CRTAP: variants seen among roughly 807,000 people sequenced by gnomAD.
CRTAP encodes the protein cartilage associated protein.
CRTAP carries 33 observed loss-of-function variants against 42.7 expected under a neutral mutation model. The observed-to-expected ratio is 0.77, with a 90% confidence interval of 0.59 to 1.03. The LOEUF (loss-of-function observed/expected upper bound fraction) is 1.03. Ranked by LOEUF, CRTAP falls within the 50% of genes least tolerant of loss-of-function variation. CRTAP has a pLI of 0.00. For missense variants in CRTAP, 613 were observed against 533.9 expected (o/e 1.15, Z -1.46); for synonymous variants, 243 against 217.7 (o/e 1.12, Z -1.02).
At chr3:33,117,506 A>G (rs1332648332) in intron 1 of CRTAP, among the ~76,000 whole-genome samples, 1 of 152,208 alleles carries the variant, frequency 6.6e-6, no homozygotes, top group African/African-American at 2.4e-5. Context: ...ACCATCTTCC[A>G]CGAAAAACTC....
rs4076086 is a variant in CRTAP, at chr3:33,120,406, C to T, written c.534C>T (p.Asp178=). The change falls in exon 2 of 7, where the codon GAC becomes GAT. Residue 178 remains aspartate (D), a synonymous_variant. Transcript: ENST00000320954. ...CCTTTCTACTGAAGCATCCTGATGA[C>T]GAAATGATGAAGAGGAACATGGCAT... ...AHTFLLKHPD[D]EMMKRNMAYY... The T allele has an allele frequency of 0.13, 202,629 of 1,613,334 alleles. 20,994 individuals are homozygous for T. Among genetic ancestry groups the T allele is most frequent in the East Asian group, 0.6 (27,058 of 44,862 alleles).
intron 6 of CRTAP, among the ~76,000 whole-genome samples, chr3:33,136,640 G>A (rs2030425672): frequency 6.6e-6 from 1 of 152,152 alleles, no homozygotes; most frequent in South Asian, 2.1e-4. Flanking sequence ...GCATCTGCTT[G>A]GCTTCTGGTG....
intron 2 of CRTAP, among the ~76,000 whole-genome samples, chr3:33,121,381 C>T (rs963333951): frequency 4.0e-5 from 6 of 149,234 alleles, no homozygotes; most frequent in African/African-American, 1.5e-4. Flanking sequence ...CACTGCACTC[C>T]AGCCTGGGCG....
chr3:33,115,854 T>C (rs1367082119), intron 1 of CRTAP, among the ~76,000 whole-genome samples: 1 of 152,134 alleles, frequency 6.6e-6, no homozygotes, highest in Non-Finnish European at 1.5e-5. Context: ...GCTGGGTTAC[T>C]TCTATACTTC....
At chr3:33,140,230 T>C (rs893018778) in intron 6 of CRTAP, among the ~76,000 whole-genome samples, 3 of 152,228 alleles carry the variant, frequency 2.0e-5, no homozygotes, top group African/African-American at 7.2e-5. Flanking sequence ...TTGCTCATAG[T>C]CACACAGAGG....
chr3:33,124,728 C>A (rs1415710815), intron 3 of CRTAP, 149 bp downstream of exon 3: 1 of 875,772 alleles, frequency 1.1e-6, no homozygotes, highest in Non-Finnish European at 1.9e-6. Flanking sequence ...GTAGTCACCA[C>A]CTGCATAGAT....
chr3:33,131,338 A>G (rs905252869), intron 4 of CRTAP, among the ~76,000 whole-genome samples: 1 of 152,102 alleles, frequency 6.6e-6, no homozygotes. Flanking sequence ...GAAGGTCAGA[A>G]AAAGAAAAAG....
chr3:33,132,815 C>G, intron 5 of CRTAP, 115 bp downstream of exon 5: 1 of 1,272,028 alleles, frequency 7.9e-7, no homozygotes, highest in Non-Finnish European at 1.1e-6. Context: ...CGCGGTGACT[C>G]ATGCCTGTAA....
At chr3:33,141,448 C>G (rs989403744) in intron 6 of CRTAP, among the ~76,000 whole-genome samples, 9 of 152,178 alleles carry the variant, frequency 5.9e-5, no homozygotes, top group African/African-American at 2.2e-4. Flanking sequence ...ACTAAGACCC[C>G]CCATTTGTGT....
chr3:33,117,888 C>T (rs1701362915), intron 1 of CRTAP, among the ~76,000 whole-genome samples: 1 of 152,196 alleles, frequency 6.6e-6, no homozygotes, highest in Non-Finnish European at 1.5e-5. Flanking sequence ...GAAGAGATTC[C>T]GTTTTGTAAA....
chr3:33,125,496 T>TG (rs1553617147), intron 3 of CRTAP, among the ~76,000 whole-genome samples: 1 of 144,648 alleles, frequency 6.9e-6, no homozygotes, highest in Non-Finnish European at 1.5e-5. Flanking sequence ...AGTAGGTTTT[T>TG]TTTTTTTTTT....
intron 4 of CRTAP, among the ~76,000 whole-genome samples, chr3:33,130,411 C>A (rs2030219154): frequency 6.6e-6 from 1 of 152,142 alleles, no homozygotes; most frequent in Non-Finnish European, 1.5e-5. Flanking sequence ...TGGCACATAG[C>A]AAACTGTGTG....
intron 6 of CRTAP, among the ~76,000 whole-genome samples, chr3:33,141,843 C>CATAG (rs2125607479): frequency 6.6e-6 from 1 of 152,336 alleles, no homozygotes; most frequent in South Asian, 2.1e-4. Flanking sequence ...AAGTGGATCC[C>CATAG]ACTATCCCTG....
intron 6 of CRTAP, among the ~76,000 whole-genome samples, chr3:33,137,407 C>A (rs770104625): frequency 7.2e-5 from 11 of 152,234 alleles, no homozygotes; most frequent in African/African-American, 2.7e-4. Flanking sequence ...TCCCAAAATG[C>A]TGGGATTACA....
chr3:33,122,263 C>T (rs2029899510), intron 2 of CRTAP, among the ~76,000 whole-genome samples: 1 of 151,912 alleles, frequency 6.6e-6, no homozygotes, highest in Non-Finnish European at 1.5e-5. Context: ...CCTCTTTCTG[C>T]TTGGTCCTTC....
In CRTAP at chr3:33,145,536, G is replaced by A. The variant is rs2030698357; in HGVS notation, c.*3088G>A. On this transcript the variant is annotated 3_prime_UTR_variant, in exon 7 of 7. Coordinates refer to ENST00000320954, the MANE Select transcript of CRTAP (RefSeq NM_006371.5). This position sits in a 1 kb window ranked among gnomAD's most constrained non-coding sequence, Gnocchi z 4.3. Reference sequence around the variant, plus strand: ...TTTTGAACTCAGTGGGGAAGAGGGTGATGAGACAGGACTAGAAAGTAGTGG... The same window carrying A: ...TTTTGAACTCAGTGGGGAAGAGGGTAATGAGACAGGACTAGAAAGTAGTGG... 1 of 152,260 alleles carries A rather than the reference G, an allele frequency of 6.6e-6. No homozygotes were observed. Among genetic ancestry groups the A allele is most frequent in the Admixed American group, 6.5e-5 (1 of 15,282 alleles). 9.4% of individuals were successfully genotyped at this position (152,260 alleles called of 1,614,324 possible). A position where few individuals can be genotyped will look rare whatever the true frequency, so the allele number is the denominator to read the frequency against.
At chr3:33,134,439 C>T (rs1481554631) in intron 6 of CRTAP, among the ~76,000 whole-genome samples, 174 bp downstream of exon 6, 1 of 152,180 alleles carries the variant, frequency 6.6e-6, no homozygotes, top group Non-Finnish European at 1.5e-5. Flanking sequence ...TGGGAAAGAG[C>T]GGCTTTCTAG....
chr3:33,119,213 A>G lies in CRTAP; in HGVS notation c.472-1131A>G, dbSNP rs141195627. On this transcript the variant is annotated intron_variant, in intron 1 of 6. Coordinates refer to ENST00000320954, the MANE Select transcript of CRTAP (RefSeq NM_006371.5). ...GGAAAATGTGAATTAATTTTATTATATTTTATGGTCATAATGTCATTATGT... is the reference window on the plus strand; with the variant it reads ...GGAAAATGTGAATTAATTTTATTATGTTTTATGGTCATAATGTCATTATGT... Among the ~76,000 whole-genome samples the G allele has an allele frequency of 1.8e-4, 28 of 152,280 alleles. No homozygotes were observed. In the East Asian group the frequency reaches 4.0e-3, roughly 22 times the overall value.
intron 6 of CRTAP, among the ~76,000 whole-genome samples, chr3:33,134,919 C>T (rs186855551): frequency 2.6e-5 from 4 of 152,322 alleles, no homozygotes; most frequent in South Asian, 2.1e-4. Flanking sequence ...TCTGATCCTT[C>T]GCTTTATAGA....
Sources: gnomAD v4.1 joint callset for allele counts (sites outside exome capture counted in the v4.1 genomes callset) on GRCh38, gnomAD v4.1.1 for gene constraint, Gnocchi (gnomAD v3.1) non-coding constraint, MANE v1.5 for transcripts, NCBI Gene and HGNC (gene_info 2026-07-23, HGNC 2026-07-21) for gene names.